The following TRIM37 variants were observed in gnomAD, a reference collection of about 807,000 sequenced individuals.
TRIM37 encodes tripartite motif containing 37, also known as E3 ubiquitin-protein ligase TRIM37.
In TRIM37, 80 loss-of-function variants were observed where a neutral mutation model predicts 129.8. That is an observed-to-expected ratio of 0.62 (90% confidence interval 0.51 to 0.74). The LOEUF (loss-of-function observed/expected upper bound fraction) is 0.74, where lower values mean the gene tolerates loss of function less well. Among genes scored for constraint, TRIM37 ranks in the 30% least tolerant of loss-of-function variants. The pLI, the probability that TRIM37 is intolerant of heterozygous loss-of-function variation, is 0.00. For missense variants in TRIM37, 1,054 were observed against 1,176.5 expected (o/e 0.90, Z 1.52); for synonymous variants, 389 against 387.1 (o/e 1.00, Z -0.06).
chr17:59,056,892 A>G lies in TRIM37; in HGVS notation c.1182T>C (p.Asn394=). ...CCTGTTACCTTAAAATCACTGTATC[A>G]TTTTGTGGATTCAAGTATCCTTCAT... ...LANEGYLNPQ[N]DTVILRFQVR... The change falls in exon 13 of 24, where the codon AAT becomes AAC. Residue 394 remains asparagine (N), a synonymous_variant. Coordinates refer to ENST00000262294, the MANE Select transcript of TRIM37 (RefSeq NM_015294.6). 6.2e-7 allele frequency: 1 copy of G among 1,613,790 alleles called. No homozygotes were observed. The highest frequency in any genetic ancestry group is 8.5e-7 in the Non-Finnish European group (1 of 1,179,894).
intron 12 of TRIM37, among the ~76,000 whole-genome samples, chr17:59,057,392 GT>G (rs1161384840): frequency 1.3e-5 from 2 of 152,294 alleles, no homozygotes; most frequent in Middle Eastern, 3.4e-3. Context: ...TGTATTTTTA[GT>G]GGAGACGGGG....
chr17:59,014,150 T>G (rs758800891), intron 21 of TRIM37, among the ~76,000 whole-genome samples: 1 of 152,214 alleles, frequency 6.6e-6, no homozygotes, highest in Non-Finnish European at 1.5e-5. Flanking sequence ...TAATCTCCAG[T>G]GATTTTAACA....
chr17:59,095,111 A>C (rs1236402301), intron 2 of TRIM37, among the ~76,000 whole-genome samples: 1 of 152,046 alleles, frequency 6.6e-6, no homozygotes, highest in Non-Finnish European at 1.5e-5. Context: ...GCTACTCCTC[A>C]GGAGGCTGAG....
At chr17:58,990,322 C>T (rs1206519176) in intron 24 of TRIM37, among the ~76,000 whole-genome samples, 1 of 151,110 alleles carries the variant, frequency 6.6e-6, no homozygotes, top group Non-Finnish European at 1.5e-5. Context: ...GAAACCCTAT[C>T]TCTACTAAAA....
chr17:59,106,404 G>C, intron 1 of TRIM37, 37 bp downstream of exon 1: 2 of 1,613,684 alleles, frequency 1.2e-6, no homozygotes, highest in Non-Finnish European at 1.7e-6. Flanking sequence ...CATCGGGTGG[G>C]GGCGGGGACT....
intron 2 of TRIM37, among the ~76,000 whole-genome samples, chr17:59,098,297 G>A (rs893234075): frequency 1.6e-4 from 25 of 152,090 alleles, no homozygotes; most frequent in African/African-American, 5.8e-4. Context: ...TACTAAAGGT[G>A]GATAGTGGTG....
intron 16 of TRIM37, among the ~76,000 whole-genome samples, chr17:59,042,719 C>T (rs1375439759): frequency 6.6e-6 from 1 of 151,326 alleles, no homozygotes; most frequent in Non-Finnish European, 1.5e-5. Flanking sequence ...GCCAAGATTG[C>T]ACTACTGCAC....
At chr17:59,079,566 C>G (rs1044010908) in intron 7 of TRIM37, among the ~76,000 whole-genome samples, 188 bp downstream of exon 7, 1 of 152,148 alleles carries the variant, frequency 6.6e-6, no homozygotes, top group Non-Finnish European at 1.5e-5. Context: ...ATCCAAATGG[C>G]TATGAAAATT....
chr17:59,069,373 A>T (rs368965361), intron 9 of TRIM37, among the ~76,000 whole-genome samples: 1 of 151,906 alleles, frequency 6.6e-6, no homozygotes, highest in African/African-American at 2.4e-5. Context: ...ATAATAAATT[A>T]AAAAAATAAA....
At chr17:59,026,539 A>C (rs777376809) in intron 19 of TRIM37, among the ~76,000 whole-genome samples, 1 of 152,232 alleles carries the variant, frequency 6.6e-6, no homozygotes, top group Non-Finnish European at 1.5e-5. Context: ...TTTAAAATAT[A>C]TACAGAACTC....
intron 10 of TRIM37, 102 bp downstream of exon 10, chr17:59,064,253 T>G: frequency 2.3e-6 from 2 of 860,668 alleles, no homozygotes; most frequent in Non-Finnish European, 3.7e-6. Flanking sequence ...ACTTCTAAAG[T>G]GAGTGACACA....
chr17:59,065,776 A>G (rs1467381219), intron 9 of TRIM37, among the ~76,000 whole-genome samples: 1 of 152,258 alleles, frequency 6.6e-6, no homozygotes, highest in East Asian at 1.9e-4. Flanking sequence ...AAGATAAAAT[A>G]TACATCTATA....
At chr17:59,067,116 T>A (rs978369371) in intron 9 of TRIM37, among the ~76,000 whole-genome samples, 4 of 152,254 alleles carry the variant, frequency 2.6e-5, no homozygotes, top group African/African-American at 9.6e-5. Context: ...CTCGGCTCAC[T>A]GATTTTGCAT....
intron 16 of TRIM37, among the ~76,000 whole-genome samples, chr17:59,042,441 A>ATATATATATATAT (rs1555661491): frequency 4.0e-4 from 34 of 84,406 alleles, no homozygotes; most frequent in African/African-American, 1.3e-3. Context: ...TAAAAAAAAA[A>ATATATATATATAT]AAAAAAAAAT....
chr17:59,050,797 G>A (rs796088663), intron 14 of TRIM37, among the ~76,000 whole-genome samples: 11 of 152,262 alleles, frequency 7.2e-5, no homozygotes, highest in African/African-American at 2.6e-4. Context: ...GGCTAACACT[G>A]TGAAACCCTG....
intron 22 of TRIM37, among the ~76,000 whole-genome samples, chr17:59,004,348 T>A (rs1398622605): frequency 6.6e-6 from 1 of 152,176 alleles, no homozygotes; most frequent in Admixed American, 6.5e-5. Context: ...TGACATTATT[T>A]ATATTAGAAG....
intron 5 of TRIM37, among the ~76,000 whole-genome samples, chr17:59,083,583 CTAAAAAA>C (rs1329887271): frequency 6.6e-6 from 1 of 151,944 alleles, no homozygotes; most frequent in Non-Finnish European, 1.5e-5. Flanking sequence ...AAAAAATAAT[CTAAAAAA>C]TAAAAAATAA....
Sources: allele counts gnomAD v4.1 joint callset (sites outside exome capture counted in the v4.1 genomes callset), GRCh38; gene constraint gnomAD v4.1.1; transcripts MANE v1.5; gene names NCBI Gene and HGNC (gene_info 2026-07-23, HGNC 2026-07-21).